Variants in NLRP11 observed in about 807,000 individuals in gnomAD.
NLRP11 encodes the protein NLR family pyrin domain containing 11.
Under a neutral mutation model 79.3 loss-of-function variants are expected in NLRP11, and 53 were observed. The ratio of observed to expected loss-of-function variants is 0.67; its 90% CI spans 0.54 to 0.84. The LOEUF (loss-of-function observed/expected upper bound fraction) is 0.84, where lower values mean the gene tolerates loss of function less well. NLRP11 is among the 40% of genes least tolerant of loss of function. NLRP11 has a pLI of 0.00. For synonymous variants in NLRP11, 518 were observed against 462.6 expected (o/e 1.12, Z -1.54); for missense variants, 1,264 against 1,255.0 (o/e 1.01, Z -0.11).
intron 9 of NLRP11, among the ~76,000 whole-genome samples, chr19:55,788,289 T>C (rs1990005706): frequency 6.6e-6 from 1 of 152,102 alleles, no homozygotes; most frequent in African/African-American, 2.4e-5. Context: ...TCAACTGTCA[T>C]CTTTTACTCA....
rs193180010 is a variant in NLRP11, at chr19:55,785,656, G to A, written c.3071C>T (p.Thr1024Met). 54 of 1,613,836 alleles carry A rather than the reference G, an allele frequency of 3.3e-5. No individual in the cohort carries two copies. The highest frequency in any genetic ancestry group is 1.7e-4 in the African/African-American group (13 of 75,002). The change falls in exon 10 of 10, where the codon ACG becomes ATG. Residue 1024 changes from threonine to methionine, a missense_variant. Coordinates refer to ENST00000589093, the Ensembl canonical transcript of NLRP11. Reference sequence around the variant, plus strand: ...GGGTTGCCTAGATGCTGTATTTGACGTTCTCATGGCTGCAGACATTCTGGG... The same window carrying A: ...GGGTTGCCTAGATGCTGTATTTGACATTCTCATGGCTGCAGACATTCTGGG...
intron 1 of NLRP11, 56 bp from the exon 2 acceptor site, chr19:55,818,292 A>G (rs1201960076): frequency 3.0e-5 from 23 of 760,928 alleles, no homozygotes; most frequent in Non-Finnish European, 4.4e-5. Context: ...CAATTCATCC[A>G]AAGCTAACAT....
chr19:55,817,178 A>T (rs10419287), intron 2 of NLRP11, among the ~76,000 whole-genome samples: 14,453 of 152,144 alleles, frequency 0.095, 985 homozygotes, highest in African/African-American at 0.18. Flanking sequence ...AAAAAAATTT[A>T]AAAAATAGAT....
chr19:55,817,152 A>G (rs770716363), intron 2 of NLRP11, among the ~76,000 whole-genome samples: 1 of 150,360 alleles, frequency 6.7e-6, no homozygotes, highest in Non-Finnish European at 1.5e-5. Flanking sequence ...TACTCCTGCA[A>G]GAATGGCCAT....
intron 1 of NLRP11, among the ~76,000 whole-genome samples, chr19:55,819,920 T>C (rs1366853407): frequency 6.6e-6 from 1 of 152,128 alleles, no homozygotes; most frequent in African/African-American, 2.4e-5. Flanking sequence ...GGTACTATGT[T>C]AGAAGATAGA....
At chr19:55,805,872 A>T (rs1186551274) in intron 4 of NLRP11, among the ~76,000 whole-genome samples, 1 of 152,058 alleles carries the variant, frequency 6.6e-6, no homozygotes, top group Non-Finnish European at 1.5e-5. Flanking sequence ...CATCATTTTC[A>T]ATTAGGCTTT....
chr19:55,796,773 G>A (rs952508532), intron 5 of NLRP11, among the ~76,000 whole-genome samples: 33 of 151,092 alleles, frequency 2.2e-4, no homozygotes, highest in African/African-American at 3.2e-4. Context: ...TGCAACCTCT[G>A]CCTCCCGGGT....
intron 1 of NLRP11, among the ~76,000 whole-genome samples, chr19:55,824,705 G>A (rs1600204534): frequency 9.4e-6 from 1 of 106,182 alleles, no homozygotes; most frequent in Admixed American, 9.0e-5. Context: ...TCAACAAGAA[G>A]AGCTAACTAT....
chr19:55,827,168 G>T (rs1982316331), intron 1 of NLRP11, among the ~76,000 whole-genome samples: 1 of 137,436 alleles, frequency 7.3e-6, no homozygotes, highest in South Asian at 2.2e-4. Context: ...ATGGGGAAAG[G>T]ATTCCCTATT....
At chr19:55,828,068 A>G (rs1982399991) in intron 1 of NLRP11, among the ~76,000 whole-genome samples, 2 of 149,284 alleles carry the variant, frequency 1.3e-5, no homozygotes, top group South Asian at 4.2e-4. Flanking sequence ...CATATACACC[A>G]TGGAATACTA....
exon 10 of NLRP11, chr19:55,785,493 TCACACA>T (rs878891245): frequency 0.049 from 20,593 of 422,122 alleles, 130 homozygotes; most frequent in Non-Finnish European, 0.056. Context: ...TGGATCAAGG[TCACACA>T]CACACACACA....
chr19:55,813,066 A>C (rs982340806), intron 2 of NLRP11, among the ~76,000 whole-genome samples: 3 of 152,080 alleles, frequency 2.0e-5, no homozygotes, highest in Admixed American at 6.5e-5. Flanking sequence ...AGCGACTCAC[A>C]CCTGTAATCA....
intron 6 of NLRP11, among the ~76,000 whole-genome samples, chr19:55,793,893 C>T (rs1293025357): frequency 6.6e-6 from 1 of 152,108 alleles, no homozygotes; most frequent in East Asian, 1.9e-4. Flanking sequence ...CCCTGTTGTC[C>T]TCGTAGAAAC....
At position 55,809,657 on chromosome 19, in the gene NLRP11, C is replaced by A; in HGVS notation, c.953G>T (p.Arg318Met). The change falls in exon 3 of 10, where the codon AGG (arginine) becomes ATG (methionine). Residue 318 changes from arginine (R) to methionine (M), a missense_variant. Arg to Met is a moderately conservative substitution (Grantham distance 91). Transcript: ENST00000589093. This position sits in a 1 kb window ranked among gnomAD's most constrained non-coding sequence, Gnocchi z 4.5. Reference sequence around the variant, plus strand: ...TACAAGCTGGAGGGCTGCCGACGCCCTCTGGCGGTCTTTAAAGAAAGAGTT... The same window carrying A: ...TACAAGCTGGAGGGCTGCCGACGCCATCTGGCGGTCTTTAAAGAAAGAGTT... 6.2e-7 allele frequency: 1 copy of A among 1,613,936 alleles called. No individual in the cohort carries two copies. The highest frequency in any genetic ancestry group is 8.5e-7 in the Non-Finnish European group (1 of 1,179,936).
In NLRP11 at chr19:55,809,893, A is replaced by AT. The variant is rs1568636898; in HGVS notation, c.716dup (p.Asn239LysfsTer4). ...TACTACACAAAGCACTTTCATTGAC[A>AT]TTTAACTCGAATCTTATGTTGTCCA... is the stretch of plus-strand genomic sequence containing the variant. On this transcript the variant is annotated frameshift_variant, in exon 3 of 10. Transcript: ENST00000589093. LOFTEE classifies it high-confidence loss of function. This position sits in a 1 kb window ranked among gnomAD's most constrained non-coding sequence, Gnocchi z 4.5. The AT allele has an allele frequency of 3.1e-6, 5 of 1,614,078 alleles. No individual in the cohort carries two copies.
chr19:55,828,838 C>T (rs1174462672), intron 1 of NLRP11, among the ~76,000 whole-genome samples: 1 of 152,090 alleles, frequency 6.6e-6, no homozygotes, highest in Non-Finnish European at 1.5e-5. Flanking sequence ...CGTGTCGTGA[C>T]TCTGGGGCTT....
intron 5 of NLRP11, among the ~76,000 whole-genome samples, chr19:55,796,952 G>A (rs560983477): frequency 4.6e-5 from 7 of 152,206 alleles, no homozygotes; most frequent in African/African-American, 1.7e-4. Context: ...GCCTCCCAAA[G>A]TGCTGCGATT....
In NLRP11 at chr19:55,799,938, GC is replaced by G. The variant is rs1401930493; in HGVS notation, c.2171+1633del. Among the ~76,000 whole-genome samples, 4 of 152,192 alleles carry G rather than the reference GC, an allele frequency of 2.6e-5. No individual in the cohort carries two copies. The East Asian group carries it at 7.7e-4, about 29-fold the overall frequency. The stretch of plus-strand genomic sequence containing the variant: ...GCTGAGATCACACCACTGCACTCCA[GC>G]CAGGGCAAAAAGAGTGAAACTCTGT... On this transcript the variant is annotated intron_variant, in intron 5 of 9. Transcript: ENST00000589093.
At chr19:55,821,207 A>T (rs76720441) in intron 1 of NLRP11, among the ~76,000 whole-genome samples, 38,030 of 108,884 alleles carry the variant, frequency 0.35, 6,003 homozygotes, top group African/African-American at 0.55. Context: ...TCTCTCTCTC[A>T]CACACACACA....
Sources: gnomAD v4.1 joint callset for allele counts (sites outside exome capture counted in the v4.1 genomes callset) on GRCh38, gnomAD v4.1.1 for gene constraint, Gnocchi (gnomAD v3.1) non-coding constraint, MANE v1.5 for transcripts, NCBI Gene and HGNC (gene_info 2026-07-23, HGNC 2026-07-21) for gene names.